Variants in ZSCAN12 observed in about 807,000 individuals in gnomAD.
The protein encoded by ZSCAN12 is zinc finger and SCAN domain containing 12, also known as zinc finger and SCAN domain-containing protein 12.
A neutral mutation model predicts 23.4 loss-of-function variants in ZSCAN12; 18 were observed. The observed-to-expected ratio is 0.77, with a 90% CI of 0.53 to 1.14. The LOEUF is 1.14. ZSCAN12 is among the 50% of genes most tolerant of loss of function. The pLI, the probability that ZSCAN12 is intolerant of heterozygous loss-of-function variation, is 0.00. For synonymous variants in ZSCAN12, 186 were observed against 253.4 expected, an observed-to-expected ratio of 0.73 and a Z score of 2.53; for missense variants, 650 against 735.0, an observed-to-expected ratio of 0.88 and a Z score of 1.34.
rs949275339 is a variant in ZSCAN12, at chr6:28,391,792, A to G, written c.548-50T>C. 1.5e-6 allele frequency: 2 copies of G among 1,354,182 alleles called. No homozygotes were observed. The highest frequency in any genetic ancestry group is 1.9e-4 in the Middle Eastern group (1 of 5,338). 83.9% of individuals were successfully genotyped at this position (1,354,182 alleles called of 1,614,324 possible). A position where few individuals can be genotyped will look rare whatever the true frequency, so the allele number is the denominator to read the frequency against. The stretch of plus-strand genomic sequence containing the variant: ...CTCTTTCTACCTTTAAAATGTATCC[A>G]TACATTTTAATATTAAGCAGCTGTT... On this transcript the variant is annotated intron_variant, in intron 3 of 3. Transcript: ENST00000684592. The surrounding 1 kb of genome is among the most constrained non-coding windows in gnomAD (Gnocchi z 4.1).
chr6:28,396,667 C>A (rs1761122535), intron 2 of ZSCAN12, among the ~76,000 whole-genome samples: 3 of 152,026 alleles, frequency 2.0e-5, no homozygotes, highest in Admixed American at 1.3e-4. Flanking sequence ...TACAGTGGCA[C>A]AATCTCGGCT....
Position 28,391,064 on chromosome 6 carries a change from G to C in ZSCAN12, c.1226C>G (p.Thr409Ser), listed in dbSNP as rs376896753. The change falls in exon 4 of 4, where the codon ACC becomes AGC. Residue 409 changes from threonine to serine, a missense_variant. Coordinates refer to ENST00000684592, the MANE Select transcript of ZSCAN12 (RefSeq NM_001163391.2). This position sits in a 1 kb window ranked among gnomAD's most constrained non-coding sequence, Gnocchi z 4.1. The part of the protein sequence containing the change: ...SILTQHQGVH[T>S]GAKPYECNEC... ...GTTGCACTCATACGGCTTGGCGCCG[G>C]TATGAACTCCTTGATGCTGAGTAAG... is the stretch of plus-strand genomic sequence containing the variant. 1.0e-5 allele frequency: 16 copies of C among 1,553,848 alleles called. No homozygotes were observed. The highest frequency in any genetic ancestry group is 1.4e-5 in the Non-Finnish European group (16 of 1,148,026).
At position 28,386,975 on chromosome 6, in the gene ZSCAN12, G is replaced by A. The variant is rs1760581362; in HGVS notation, c.*3479C>T. Among the ~76,000 whole-genome samples, 1 of 152,104 alleles carries A rather than the reference G, an allele frequency of 6.6e-6. No homozygotes were observed. Among genetic ancestry groups the A allele is most frequent in the South Asian group, 2.1e-4 (1 of 4,830 alleles). The stretch of plus-strand genomic sequence containing the variant: ...CTCGAGTAGCTGGGATTACAGGCAT[G>A]TGCCACCACGCCTGGTTAATTTTTG... On this transcript the variant is annotated 3_prime_UTR_variant, in exon 4 of 4. Coordinates refer to ENST00000684592, the MANE Select transcript of ZSCAN12 (RefSeq NM_001163391.2).
rs751322398 is a variant in ZSCAN12 at position 28,390,751 on chromosome 6, C to T, written c.1539G>A (p.Thr513=). The part of the protein sequence containing the change: ...GKAFTQRSVL[T]EHQRIHTGER... ...CTCCAGTGTGGATTCTCTGATGTTC[C>T]GTGAGGACTGATCTTTGAGTAAACG... The change falls in exon 4 of 4, where the codon ACG becomes ACA. Residue 513 remains threonine (T), a synonymous_variant. Transcript: ENST00000684592. 1.2e-4 allele frequency: 200 copies of T among 1,610,056 alleles called. No individual in the cohort carries two copies. The Middle Eastern group carries it at 2.1e-3, about 17-fold the overall frequency.
chr6:28,393,663 C>A (rs761553058), intron 2 of ZSCAN12, among the ~76,000 whole-genome samples: 49 of 150,606 alleles, frequency 3.3e-4, no homozygotes, highest in Non-Finnish European at 6.8e-4. Context: ...ACTGCTTGAG[C>A]CCAGTTCAAG....
intron 2 of ZSCAN12, 147 bp from the exon 3 acceptor site, chr6:28,393,193 A>G: frequency 1.3e-6 from 1 of 788,348 alleles, no homozygotes; most frequent in Non-Finnish European, 1.9e-6. Context: ...AGGCCAATAT[A>G]AATGTCGCCT....
chr6:28,393,168 C>A lies in ZSCAN12; in HGVS notation c.403-122G>T, dbSNP rs1348317711. The A allele has an allele frequency of 6.9e-6, 7 of 1,017,848 alleles. No individual in the cohort carries two copies. In the East Asian group the frequency reaches 1.1e-4, roughly 15 times the overall value. 63.1% of individuals were successfully genotyped at this position (1,017,848 alleles called of 1,614,324 possible). A position where few individuals can be genotyped will look rare whatever the true frequency, so the allele number is the denominator to read the frequency against. On this transcript the variant is annotated intron_variant, in intron 2 of 3. Coordinates refer to ENST00000684592, the MANE Select transcript of ZSCAN12 (RefSeq NM_001163391.2). ...TTCCCAGATATAAGCCTGCCATAAC[C>A]CTACCCATTCTTCAAGGCCAATATA...
downstream of ZSCAN12, chr6:28,381,599 GA>G (rs1436834455): frequency 1.3e-5 from 2 of 152,182 alleles, no homozygotes; most frequent in Non-Finnish European, 2.9e-5. Flanking sequence ...GAGATGAGTA[GA>G]GACAAGTTTT....
At position 28,391,621 on chromosome 6, in the gene ZSCAN12, A is replaced by G. The variant is rs1157506164; in HGVS notation, c.669T>C (p.Cys223=). The change falls in exon 4 of 4, where the codon TGT becomes TGC. Residue 223 remains cysteine (C), a synonymous_variant. Coordinates refer to ENST00000684592, the MANE Select transcript of ZSCAN12 (RefSeq NM_001163391.2). The surrounding 1 kb of genome is among the most constrained non-coding windows in gnomAD (Gnocchi z 4.1). ...TTTCTTCAGGTTCACGAGTTTCTCC[A>G]CACCTAGCAGACTTGGACATATCAT... is the stretch of plus-strand genomic sequence containing the variant. The part of the protein sequence containing the change: ...FENDMSKSAR[C]GETREPEEIT... The G allele has an allele frequency of 6.4e-7, 1 of 1,552,280 alleles. No individual in the cohort carries two copies. The highest frequency in any genetic ancestry group is 1.2e-5 in the South Asian group (1 of 84,056).
rs1470627050 is a variant in ZSCAN12 at position 28,398,235 on chromosome 6, T to G, written c.171A>C (p.Thr57=). ...QYFRQFCYQE[T]SGPREALSRL... is the part of the protein sequence containing the mutation. ...GGCTCAAAGCCTCACGGGGACCAGA[T>G]GTCTCCTGGTAGCAGAACTGTCTGA... Residue 57 remains threonine, a synonymous_variant, in exon 2 of 4, where the codon ACA becomes ACC. Transcript: ENST00000684592. The G allele has an allele frequency of 6.2e-7, 1 of 1,614,074 alleles. No individual in the cohort carries two copies. Among genetic ancestry groups the G allele is most frequent in the Admixed American group, 1.7e-5 (1 of 60,006 alleles).
chr6:28,391,569 TG>T lies in ZSCAN12; in HGVS notation c.720del (p.Arg241GlufsTer13). ...TCACAGGTAGGTTGTTTATCTTCTC[TG>T]GAGCAAGCAGAGGGCTCTTCTGTTA... Reference protein sequence around the residue: ...EEITEEPSACSREDKQPTCDE... With the variant: ...EEITEEPSACXREDKQPTCDE... On this transcript the variant is annotated frameshift_variant, in exon 4 of 4. Coordinates refer to ENST00000684592, the MANE Select transcript of ZSCAN12 (RefSeq NM_001163391.2). LOFTEE classifies it low-confidence loss of function (END_TRUNC). The surrounding 1 kb of genome is among the most constrained non-coding windows in gnomAD (Gnocchi z 4.1). 1 of 1,552,320 alleles carries T rather than the reference TG, an allele frequency of 6.4e-7. No individual in the cohort carries two copies. Among genetic ancestry groups the T allele is most frequent in the Non-Finnish European group, 8.7e-7 (1 of 1,147,124 alleles).
intron 2 of ZSCAN12, among the ~76,000 whole-genome samples, chr6:28,396,307 T>G (rs1761104672): frequency 6.6e-6 from 1 of 152,192 alleles, no homozygotes; most frequent in Non-Finnish European, 1.5e-5. Flanking sequence ...TTTTGTTCGC[T>G]GTTGCATTCA....
chr6:28,393,627 A>AT (rs1760969408), intron 2 of ZSCAN12, among the ~76,000 whole-genome samples: 1 of 151,622 alleles, frequency 6.6e-6, no homozygotes, highest in Non-Finnish European at 1.5e-5. Context: ...TGTAGTCCTA[A>AT]CTACTCAGGG....
chr6:28,398,417 T>G lies in ZSCAN12; in HGVS notation c.-12A>C. The G allele has an allele frequency of 6.5e-7, 1 of 1,527,100 alleles. No homozygotes were observed. The highest frequency in any genetic ancestry group is 1.2e-5 in the South Asian group (1 of 80,948). The allele number at this position is 1,527,100 out of a possible 1,614,324, so 94.6% of individuals were successfully genotyped here. A position where few individuals can be genotyped will look rare whatever the true frequency, so the allele number is the denominator to read the frequency against. On this transcript the variant is annotated 5_prime_UTR_variant, in exon 2 of 4. Transcript: ENST00000684592. Reference sequence around the variant, plus strand: ...CAAGTAGATGCCATTTTAGCTGTGCTAGAACTACCGGTGTTTCAAGTAAGA... The same window carrying G: ...CAAGTAGATGCCATTTTAGCTGTGCGAGAACTACCGGTGTTTCAAGTAAGA...
Position 28,390,209 on chromosome 6 carries a change from TTA to T in ZSCAN12, c.*243_*244del, listed in dbSNP as rs1290705465. On this transcript the variant is annotated 3_prime_UTR_variant, in exon 4 of 4. Transcript: ENST00000684592. ...GCATCAATTCTACTCTCCTGTAGTC[TTA>T]TATGACTAAATATGTGGATCTTATC... Among the ~76,000 whole-genome samples the T allele has an allele frequency of 6.6e-6, 1 of 152,228 alleles. No individual in the cohort carries two copies. The highest frequency in any genetic ancestry group is 2.4e-5 in the African/African-American group (1 of 41,458).
chr6:28,385,394 G>A lies in ZSCAN12; in HGVS notation c.*5060C>T, dbSNP rs1435730039. On this transcript the variant is annotated 3_prime_UTR_variant, in exon 4 of 4. Coordinates refer to ENST00000684592, the MANE Select transcript of ZSCAN12 (RefSeq NM_001163391.2). ...AACCTCATCCAAGATTTGGTATGCA[G>A]AGGGGGTGATAATATTATTACCTGA... 1.3e-5 allele frequency among the ~76,000 whole-genome samples: 2 copies of A among 152,222 alleles called. No individual in the cohort carries two copies. The highest frequency in any genetic ancestry group is 2.1e-4 in the South Asian group (1 of 4,830).
chr6:28,382,440 C>T, downstream of ZSCAN12: 1 of 1,525,724 alleles, frequency 6.6e-7, no homozygotes, highest in Non-Finnish European at 8.8e-7. Flanking sequence ...CTTTGCCAGC[C>T]TGATTCTTTG....
chr6:28,396,164 C>T (rs1029400218), intron 2 of ZSCAN12, among the ~76,000 whole-genome samples: 2 of 151,776 alleles, frequency 1.3e-5, no homozygotes, highest in Admixed American at 6.6e-5. Context: ...GGACTACACA[C>T]ACCTGCCTGG....
intron 1 of ZSCAN12, 72 bp from the exon 2 acceptor site, chr6:28,398,545 T>C (rs1761245879): frequency 2.4e-6 from 2 of 825,654 alleles, no homozygotes; most frequent in East Asian, 5.4e-5. Context: ...AGAACTTAAC[T>C]ATGACCTTTG....
Sources: allele counts gnomAD v4.1 joint callset (sites outside exome capture counted in the v4.1 genomes callset), GRCh38; gene constraint gnomAD v4.1.1; non-coding constraint Gnocchi (gnomAD v3.1); transcripts MANE v1.5; gene names NCBI Gene and HGNC (gene_info 2026-07-23, HGNC 2026-07-21).